Variants in PYHIN1 observed in about 807,000 individuals in gnomAD.
PYHIN1 encodes the protein pyrin and HIN domain family member 1.
A neutral mutation model predicts 43.7 loss-of-function variants in PYHIN1; 32 were observed. The ratio of observed to expected loss-of-function variants is 0.73; its 90% CI spans 0.55 to 0.98. The LOEUF (loss-of-function observed/expected upper bound fraction) is 0.98. Among genes scored for constraint, PYHIN1 ranks in the 50% least tolerant of loss-of-function variants. PYHIN1 has a pLI of 0.00. For synonymous variants in PYHIN1, 205 were observed against 203.1 expected (o/e 1.01, Z -0.08); for missense variants, 588 against 589.5 (o/e 1.00, Z 0.03).
the PYHIN1 span, among the ~76,000 whole-genome samples, chr1:158,983,383 T>G: frequency 1.3e-5 from 2 of 152,160 alleles, no homozygotes; most frequent in South Asian, 4.1e-4. Flanking sequence ...CTTTTCTGCA[T>G]CTATTTAGAT....
At chr1:158,989,658 G>A in the PYHIN1 span, among the ~76,000 whole-genome samples, 1 of 152,142 alleles carries the variant, frequency 6.6e-6, no homozygotes. Context: ...AGCTAGGGAA[G>A]ATACATGAAA....
At chr1:158,960,316 A>G (rs1315687505) in intron 7 of PYHIN1, among the ~76,000 whole-genome samples, 1 of 152,248 alleles carries the variant, frequency 6.6e-6, no homozygotes, top group Non-Finnish European at 1.5e-5. Context: ...GAACATCTCC[A>G]GACAACAATG....
At chr1:158,957,259 A>C (rs1289397189) in intron 7 of PYHIN1, among the ~76,000 whole-genome samples, 2 of 149,914 alleles carry the variant, frequency 1.3e-5, no homozygotes, top group Admixed American at 1.3e-4. Context: ...AACTACTTTA[A>C]AGTTCATATG....
chr1:158,984,588 G>C, the PYHIN1 span, among the ~76,000 whole-genome samples: 1 of 152,128 alleles, frequency 6.6e-6, no homozygotes, highest in Non-Finnish European at 1.5e-5. Context: ...ATGTGGCACA[G>C]AGTATGTGCC....
the PYHIN1 span, among the ~76,000 whole-genome samples, chr1:158,982,494 G>A: frequency 1.3e-5 from 2 of 152,142 alleles, no homozygotes; most frequent in South Asian, 4.2e-4. Flanking sequence ...TGTTCCATTG[G>A]TCTATGTATC....
chr1:158,963,969 C>G (rs1650475043), intron 7 of PYHIN1, among the ~76,000 whole-genome samples: 1 of 152,036 alleles, frequency 6.6e-6, no homozygotes, highest in Non-Finnish European at 1.5e-5. Flanking sequence ...TAAAACTCAG[C>G]TCAAGAAATC....
At chr1:158,938,302 T>G (rs1169650742) in intron 2 of PYHIN1, 95 bp from the exon 3 acceptor site, 36 of 1,347,666 alleles carry the variant, frequency 2.7e-5, no homozygotes, top group Non-Finnish European at 3.8e-5. Context: ...ACCTGAACCC[T>G]CAAGCAGGAG....
Position 158,938,544 on chromosome 1 carries a change from T to G in PYHIN1, c.411+2T>G. ...GCAGAGGAGACTCTTGGACCTCAGG[T>G]AAGCTTCAGGAAGAGGAGCAGGCTT... On this transcript the variant is annotated splice_donor_variant, in intron 3 of 8. Transcript: ENST00000368140. LOFTEE classifies it high-confidence loss of function. 1 of 1,613,884 alleles carries G rather than the reference T, an allele frequency of 6.2e-7. No homozygotes were observed. The highest frequency in any genetic ancestry group is 8.5e-7 in the Non-Finnish European group (1 of 1,179,928).
At chr1:158,980,041 A>G (rs1651436115), downstream of PYHIN1, among the ~76,000 whole-genome samples, 1 of 152,310 alleles carries the variant, frequency 6.6e-6, no homozygotes, top group East Asian at 1.9e-4. Flanking sequence ...AGCTGCATCT[A>G]TGTTCCTGCA....
intron 8 of PYHIN1, among the ~76,000 whole-genome samples, chr1:158,976,396 C>T (rs1005911644): frequency 6.6e-6 from 1 of 152,040 alleles, no homozygotes; most frequent in African/African-American, 2.4e-5. Context: ...TTCCCTTTAG[C>T]CCTTGTCGTT....
At chr1:158,952,486 A>G (rs561025939) in intron 7 of PYHIN1, among the ~76,000 whole-genome samples, 1 of 152,214 alleles carries the variant, frequency 6.6e-6, no homozygotes, top group African/African-American at 2.4e-5. Context: ...TACCTAGAGC[A>G]TATCCCATTT....
intron 7 of PYHIN1, among the ~76,000 whole-genome samples, chr1:158,966,257 C>G (rs1286135350): frequency 6.6e-6 from 1 of 151,944 alleles, no homozygotes; most frequent in Non-Finnish European, 1.5e-5. Flanking sequence ...TAAAAGTAGC[C>G]CATGACCAGA....
At chr1:158,959,594 G>GTT (rs1229137978) in intron 7 of PYHIN1, among the ~76,000 whole-genome samples, 2 of 152,104 alleles carry the variant, frequency 1.3e-5, no homozygotes. Flanking sequence ...AAGAAGATTT[G>GTT]TTATAACTTC....
chr1:158,965,939 G>A (rs1024067019), intron 7 of PYHIN1, among the ~76,000 whole-genome samples: 1 of 151,534 alleles, frequency 6.6e-6, no homozygotes. Flanking sequence ...AAAGATCAAC[G>A]AATCCAGGAG....
At chr1:158,984,006 G>C in the PYHIN1 span, among the ~76,000 whole-genome samples, 1 of 122,536 alleles carries the variant, frequency 8.2e-6, no homozygotes, top group South Asian at 2.5e-4. Flanking sequence ...ATTTCTAATT[G>C]TATTTATTTG....
intron 4 of PYHIN1, chr1:158,940,172 G>A (rs377198534): frequency 2.0e-5 from 3 of 151,494 alleles, no homozygotes; most frequent in East Asian, 1.9e-4. Flanking sequence ...GTTGCAGTGA[G>A]CTGAGATCGC....
chr1:158,983,092 GTAGTTTGACT>G, the PYHIN1 span, among the ~76,000 whole-genome samples: 1 of 152,042 alleles, frequency 6.6e-6, no homozygotes, highest in African/African-American at 2.4e-5. Flanking sequence ...GCAAAAGGAG[GTAGTTTGACT>G]TCCTTTCTTT....
chr1:158,987,060 T>TACCA, the PYHIN1 span, among the ~76,000 whole-genome samples: 1 of 152,224 alleles, frequency 6.6e-6, no homozygotes, highest in African/African-American at 2.4e-5. Flanking sequence ...TCAACATCCT[T>TACCA]ACCAACACCT....
intron 7 of PYHIN1, among the ~76,000 whole-genome samples, chr1:158,945,612 G>A (rs552094718): frequency 6.6e-6 from 1 of 152,228 alleles, no homozygotes; most frequent in African/African-American, 2.4e-5. Flanking sequence ...CTTTTACAGG[G>A]CCTCCTGTCA....
Sources: gnomAD v4.1 joint callset for allele counts (sites outside exome capture counted in the v4.1 genomes callset) on GRCh38, gnomAD v4.1.1 for gene constraint, MANE v1.5 for transcripts, NCBI Gene and HGNC (gene_info 2026-07-23, HGNC 2026-07-21) for gene names.